The following PLEKHA6 variants were observed in gnomAD, a reference collection of about 807,000 sequenced individuals.
The protein encoded by PLEKHA6 is pleckstrin homology domain-containing family A member 6.
PLEKHA6 carries 60 observed loss-of-function variants against 116.7 expected under a neutral mutation model. That is an observed-to-expected ratio of 0.51 (90% CI 0.42 to 0.64). The LOEUF (loss-of-function observed/expected upper bound fraction) is 0.64. PLEKHA6 is among the 30% of genes least tolerant of loss of function. PLEKHA6 has a pLI of 0.00. For missense variants in PLEKHA6, 1,338 were observed against 1,422.7 expected, an observed-to-expected ratio of 0.94 and a Z score of 0.96; for synonymous variants, 489 against 556.1, an observed-to-expected ratio of 0.88 and a Z score of 1.70.
At position 204,373,031 on chromosome 1, in the gene PLEKHA6, C is replaced by A. The variant is rs188578147; in HGVS notation, c.84-1425G>T. Among the ~76,000 whole-genome samples, 20 of 152,030 alleles carry A rather than the reference C, an allele frequency of 1.3e-4. 1 individual carries two copies. The East Asian group carries it at 3.9e-3, about 29-fold the overall frequency. ...TCAAGCAATCCTCCCACCTCAGCCC[C>A]CTGAGTGCTAGGACTACAGGCATGT... On this transcript the variant is annotated intron_variant, in intron 1 of 4. Transcript: ENST00000564627.
At chr1:204,241,518 GAGC>G in intron 16 of PLEKHA6, 37 bp from the exon 17 acceptor site, 1 of 1,467,834 alleles carries the variant, frequency 6.8e-7, no homozygotes, top group Non-Finnish European at 9.2e-7. Flanking sequence ...GCCTCATGGA[GAGC>G]AGGAAGGCAG....
intron 1 of PLEKHA6, among the ~76,000 whole-genome samples, chr1:204,335,662 A>C (rs938895009): frequency 1.3e-5 from 2 of 152,038 alleles, no homozygotes; most frequent in Non-Finnish European, 1.5e-5. Flanking sequence ...AGCAGAGACA[A>C]AGGTGACCTT....
At chr1:204,287,999 G>T (rs1669370138) in intron 1 of PLEKHA6, among the ~76,000 whole-genome samples, 1 of 152,170 alleles carries the variant, frequency 6.6e-6, no homozygotes, top group Non-Finnish European at 1.5e-5. Context: ...GTATCTGGTT[G>T]TAACAAAAGC....
intron 1 of PLEKHA6, among the ~76,000 whole-genome samples, chr1:204,291,149 A>T (rs1669714395): frequency 6.6e-6 from 1 of 152,226 alleles, no homozygotes; most frequent in African/African-American, 2.4e-5. Flanking sequence ...AAAGTTATAC[A>T]CATGTCAAAT....
chr1:204,220,104 G>C lies in PLEKHA6; in HGVS notation c.*2684C>G, dbSNP rs1278496934. The C allele has an allele frequency of 6.6e-6, 1 of 152,206 alleles. No individual in the cohort carries two copies. Among genetic ancestry groups the C allele is most frequent in the Admixed American group, 6.5e-5 (1 of 15,278 alleles). The allele number at this position is 152,206 out of a possible 1,614,324, so 9.4% of individuals were successfully genotyped here. A position where few individuals can be genotyped will look rare whatever the true frequency, so the allele number is the denominator to read the frequency against. On this transcript the variant is annotated 3_prime_UTR_variant, in exon 23 of 23. Coordinates refer to ENST00000272203, the MANE Select transcript of PLEKHA6 (RefSeq NM_014935.5). ...AGAGGATCCCAAGCCGCCTCCTCTG[G>C]GCTTCGCACCGTCTCGTACACTGAC...
chr1:204,332,373 A>G (rs552619822), intron 1 of PLEKHA6, among the ~76,000 whole-genome samples: 1 of 151,416 alleles, frequency 6.6e-6, no homozygotes, highest in East Asian at 1.9e-4. Context: ...ATCAGTCCTC[A>G]CTGTTTGTTT....
intron 1 of PLEKHA6, among the ~76,000 whole-genome samples, chr1:204,349,537 T>A (rs1673202977): frequency 2.6e-5 from 2 of 78,430 alleles, no homozygotes; most frequent in African/African-American, 9.8e-5. Flanking sequence ...CAGGACTCCA[T>A]CTCAAAAAAA....
rs891605833 is a variant in PLEKHA6 at position 204,219,105 on chromosome 1, T to C, written c.*3683A>G. 5 of 152,588 alleles carry C rather than the reference T, an allele frequency of 3.3e-5. No individual in the cohort carries two copies. The highest frequency in any genetic ancestry group is 7.4e-5 in the Non-Finnish European group (5 of 68,018). 9.5% of individuals were successfully genotyped at this position (152,588 alleles called of 1,614,324 possible). ...TCCATCTATCTAACCTTCACCCTTC[T>C]TCTAAGGCCACTTTTATGCTAAATA... On this transcript the variant is annotated 3_prime_UTR_variant, in exon 23 of 23. Transcript: ENST00000272203.
intron 21 of PLEKHA6, among the ~76,000 whole-genome samples, chr1:204,226,213 G>A (rs544026287): frequency 6.6e-6 from 1 of 152,328 alleles, no homozygotes; most frequent in Admixed American, 6.5e-5. Flanking sequence ...GGGAACAGTG[G>A]GCTGAGTCTG....
intron 1 of PLEKHA6, among the ~76,000 whole-genome samples, chr1:204,314,309 C>A (rs1671770831): frequency 6.6e-6 from 1 of 152,204 alleles, no homozygotes; most frequent in Non-Finnish European, 1.5e-5. Context: ...TCCTGTTTCA[C>A]CCTTCAAATG....
At chr1:204,276,841 T>G (rs1399989476) in intron 1 of PLEKHA6, among the ~76,000 whole-genome samples, 2 of 152,134 alleles carry the variant, frequency 1.3e-5, no homozygotes, top group Non-Finnish European at 2.9e-5. Context: ...TCACAAGCAC[T>G]GCAATGCAGC....
In PLEKHA6 at chr1:204,230,490, T is replaced by C. The variant is rs1193566518; in HGVS notation, c.2506A>G (p.Met836Val). Reference protein sequence around the residue: ...DRMRRHQSGSMREKRRSLQLP... With the variant: ...DRMRRHQSGSVREKRRSLQLP... ...TGCAGGCTCCTCCGCTTCTCCCTCA[T>C]GGAGCCACTCTGGTGCCGCCGCATT... The change falls in exon 18 of 23, where the codon ATG becomes GTG. Residue 836 changes from methionine to valine, a missense_variant. Met to Val is a conservative substitution (Grantham distance 21). This residue lies in a region of PLEKHA6 where 1,136 missense variants were observed against 1,163.6 expected (regional missense o/e 0.98). Coordinates refer to ENST00000272203, the MANE Select transcript of PLEKHA6 (RefSeq NM_014935.5). 5 of 1,585,180 alleles carry C rather than the reference T, an allele frequency of 3.2e-6. No homozygotes were observed. The highest frequency in any genetic ancestry group is 1.2e-5 in the South Asian group (1 of 86,782).
At chr1:204,366,776 T>G (rs918918634) in intron 3 of PLEKHA6, among the ~76,000 whole-genome samples, 1 of 151,772 alleles carries the variant, frequency 6.6e-6, no homozygotes, top group Non-Finnish European at 1.5e-5. Context: ...AAAGAAAAAA[T>G]AGGTTAGCGG....
Position 204,256,683 on chromosome 1 carries a change from C to A in PLEKHA6, c.1524+670G>T, listed in dbSNP as rs927888729. ...GGAGGTATCCAGAGGCTGCTAAAAA[C>A]CAGCCAGGCCAGGCACTAGGCACAG... On this transcript the variant is annotated intron_variant, in intron 9 of 22. Coordinates refer to ENST00000272203, the MANE Select transcript of PLEKHA6 (RefSeq NM_014935.5). 258 of 427,322 alleles carry A rather than the reference C, an allele frequency of 6.0e-4. 1 individual carries two copies. Among genetic ancestry groups the A allele is most frequent in the Non-Finnish European group, 1.0e-3 (243 of 242,340 alleles). 26.5% of individuals were successfully genotyped at this position (427,322 alleles called of 1,614,324 possible).
intron 1 of PLEKHA6, among the ~76,000 whole-genome samples, chr1:204,279,309 C>T (rs1414845811): frequency 6.6e-6 from 1 of 152,204 alleles, no homozygotes; most frequent in Admixed American, 6.5e-5. Context: ...GCTTCCCCTG[C>T]TCATCAAGAG....
chr1:204,246,528 C>G (rs906327924), intron 13 of PLEKHA6, among the ~76,000 whole-genome samples: 10 of 152,076 alleles, frequency 6.6e-5, no homozygotes, highest in African/African-American at 2.2e-4. Flanking sequence ...TAACCAGCTG[C>G]AAGGTAGGGG....
chr1:204,225,222 T>G (rs752818196), intron 21 of PLEKHA6, among the ~76,000 whole-genome samples: 1 of 152,258 alleles, frequency 6.6e-6, no homozygotes, highest in Non-Finnish European at 1.5e-5. Context: ...CTATGTCCAT[T>G]GTGGCCCTAA....
intron 17 of PLEKHA6, among the ~76,000 whole-genome samples, chr1:204,237,200 A>G (rs1024314176): frequency 6.6e-5 from 10 of 152,062 alleles, no homozygotes; most frequent in African/African-American, 2.4e-4. Context: ...GGGTTCCCAG[A>G]CTCATCCTAT....
Position 204,261,188 on chromosome 1 carries a change from A to C in PLEKHA6, c.524+118T>G. On this transcript the variant is annotated intron_variant, in intron 7 of 22. Transcript: ENST00000272203. The surrounding 1 kb of genome is among the most constrained non-coding windows in gnomAD (Gnocchi z 4.0). Reference sequence around the variant, plus strand: ...GCCTGGATGCAAGGAGACGGCTCACACATTCTCCAGGGCTTCAAGTAGGCA... The same window carrying C: ...GCCTGGATGCAAGGAGACGGCTCACCCATTCTCCAGGGCTTCAAGTAGGCA... The C allele has an allele frequency of 1.6e-6, 2 of 1,245,380 alleles. No homozygotes were observed. The highest frequency in any genetic ancestry group is 2.3e-6 in the Non-Finnish European group (2 of 855,452). The allele number at this position is 1,245,380 out of a possible 1,614,324, so 77.1% of individuals were successfully genotyped here.
Sources: gnomAD v4.1 joint callset for allele counts (sites outside exome capture counted in the v4.1 genomes callset) on GRCh38, gnomAD v4.1.1 for gene constraint, gnomAD v4.1.1 regional missense constraint, Gnocchi (gnomAD v3.1) non-coding constraint, MANE v1.5 for transcripts, NCBI Gene and HGNC (gene_info 2026-07-23, HGNC 2026-07-21) for gene names.